Variants in PFN2 observed in about 807,000 individuals in gnomAD.
PFN2 encodes the protein profilin-2.
In PFN2, 8 loss-of-function variants were observed where a neutral mutation model predicts 15.3. The ratio of observed to expected loss-of-function variants is 0.52; its 90% confidence interval spans 0.31 to 0.95. The LOEUF is 0.95. PFN2 is among the 40% of genes least tolerant of loss of function. The pLI, the probability that PFN2 is intolerant of heterozygous loss-of-function variation, is 0.05. For missense variants in PFN2, 111 were observed against 182.3 expected (o/e 0.61, Z 2.25); for synonymous variants, 79 against 67.9 (o/e 1.16, Z -0.81).
intron 1 of PFN2, 182 bp from the exon 2 acceptor site, chr3:149,968,732 T>C: frequency 1.8e-6 from 1 of 565,708 alleles, no homozygotes; most frequent in Non-Finnish European, 3.1e-6. Context: ...TAATCCTATA[T>C]AATCACATAT....
At chr3:149,970,524 C>A in intron 1 of PFN2, 1 of 400,938 alleles carries the variant, frequency 2.5e-6, no homozygotes. Flanking sequence ...CCGCCCCCAG[C>A]CTGTCAGCGC....
rs1722694820 is a variant in PFN2, at chr3:149,966,469, C to T, written c.*20G>A. On this transcript the variant is annotated 3_prime_UTR_variant, in exon 3 of 3. Transcript: ENST00000239940. Reference sequence around the variant, plus strand: ...GTTTAAGAGCAATTTTCCCCTAATACTTAACAGTCTGCCTAGCAGCTAGAA... The same window carrying T: ...GTTTAAGAGCAATTTTCCCCTAATATTTAACAGTCTGCCTAGCAGCTAGAA... 6.2e-7 allele frequency: 1 copy of T among 1,609,030 alleles called. No individual in the cohort carries two copies. Among genetic ancestry groups the T allele is most frequent in the African/African-American group, 1.3e-5 (1 of 74,532 alleles).
In PFN2 at chr3:149,966,605, A is replaced by G. The variant is rs370207101; in HGVS notation, c.326-19T>C. 6.4e-6 allele frequency: 10 copies of G among 1,567,994 alleles called. No individual in the cohort carries two copies. In the African/African-American group the frequency reaches 9.5e-5, roughly 15 times the overall value. ...ACCAAGACTGAAAGAGAAAGAAGAA[A>G]AGTGTTTCAAAAGAAGTGTTAATCA... On this transcript the variant is annotated intron_variant, in intron 2 of 2. Transcript: ENST00000239940.
rs1181282079 is a variant in PFN2 at position 149,965,580 on chromosome 3, C to CT, written c.*908_*909insA. On this transcript the variant is annotated 3_prime_UTR_variant, in exon 3 of 3. Transcript: ENST00000239940. Reference sequence around the variant, plus strand: ...AAGGTTTGTCTCTGCTCAAGTGCAACAACAATACTAAAAGCAAACTACTGC... The same window carrying CT: ...AAGGTTTGTCTCTGCTCAAGTGCAACTAACAATACTAAAAGCAAACTACTGC... 35 of 1,220,062 alleles carry CT rather than the reference C, an allele frequency of 2.9e-5. No homozygotes were observed. Among genetic ancestry groups the CT allele is most frequent in the Non-Finnish European group, 3.6e-5 (35 of 979,320 alleles). The allele number at this position is 1,220,062 out of a possible 1,614,324, so 75.6% of individuals were successfully genotyped here.
chr3:149,969,871 A>C (rs530973661), intron 1 of PFN2, among the ~76,000 whole-genome samples: 50 of 152,288 alleles, frequency 3.3e-4, no homozygotes, highest in Non-Finnish European at 6.0e-4. Context: ...CTTTACTGCC[A>C]CCACTAAAGA....
rs765562021 is a variant in PFN2, at chr3:149,965,082, A to G, written c.*1407T>C. 3.1e-6 allele frequency: 2 copies of G among 635,480 alleles called. No homozygotes were observed. The highest frequency in any genetic ancestry group is 2.9e-5 in the East Asian group (1 of 34,858). The allele number at this position is 635,480 out of a possible 1,614,324, so 39.4% of individuals were successfully genotyped here. Reference sequence around the variant, plus strand: ...GTTTTTAAATCTGTACATTATCCACAAGGCCCAAACAATAGAAGCAAATAC... The same window carrying G: ...GTTTTTAAATCTGTACATTATCCACGAGGCCCAAACAATAGAAGCAAATAC... On this transcript the variant is annotated 3_prime_UTR_variant, in exon 3 of 3. Transcript: ENST00000239940.
chr3:149,970,049 T>TAA (rs79065931), intron 1 of PFN2, among the ~76,000 whole-genome samples: 121 of 136,102 alleles, frequency 8.9e-4, no homozygotes, highest in African/African-American at 3.0e-3. Flanking sequence ...TTGGAGAATT[T>TAA]AAAAAAAAAA....
rs1722694513 is a variant in PFN2 at position 149,966,459 on chromosome 3, T to C, written c.*30A>G. 3 of 1,602,952 alleles carry C rather than the reference T, an allele frequency of 1.9e-6. No individual in the cohort carries two copies. The highest frequency in any genetic ancestry group is 1.1e-5 in the South Asian group (1 of 88,426). On this transcript the variant is annotated 3_prime_UTR_variant, in exon 3 of 3. Coordinates refer to ENST00000239940, the MANE Select transcript of PFN2 (RefSeq NM_053024.4). ...AGCTAGGAAAGTTTAAGAGCAATTT[T>C]CCCCTAATACTTAACAGTCTGCCTA... is the stretch of plus-strand genomic sequence containing the variant.
In PFN2 at chr3:149,965,025, G is replaced by A; in HGVS notation, c.*1464C>T. On this transcript the variant is annotated 3_prime_UTR_variant, in exon 3 of 3. Coordinates refer to ENST00000239940, the MANE Select transcript of PFN2 (RefSeq NM_053024.4). ...GTATCCCAGATGTAACAAAGTGCAG[G>A]GAAAGAAATGGACAAATCAGCAACA... 1 of 522,584 alleles carries A rather than the reference G, an allele frequency of 1.9e-6. No homozygotes were observed. Among genetic ancestry groups the A allele is most frequent in the Non-Finnish European group, 3.3e-6 (1 of 299,988 alleles). 32.4% of individuals were successfully genotyped at this position (522,584 alleles called of 1,614,324 possible).
At chr3:149,966,958 GTTAC>G (rs10550200) in intron 2 of PFN2, among the ~76,000 whole-genome samples, 27,347 of 151,866 alleles carry the variant, frequency 0.18, 2,601 homozygotes, top group African/African-American at 0.27. Flanking sequence ...AACCTGGGGA[GTTAC>G]TTACTTACAA....
In PFN2 at chr3:149,965,354, T is replaced by C. The variant is rs1255586185; in HGVS notation, c.*1135A>G. On this transcript the variant is annotated 3_prime_UTR_variant, in exon 3 of 3. Transcript: ENST00000239940. ...GATGGTTATGTTGGGATACCTAATGTCCATAATGGCAGCCTTTTACAATTT... is the reference window on the plus strand; with the variant it reads ...GATGGTTATGTTGGGATACCTAATGCCCATAATGGCAGCCTTTTACAATTT... 1 of 1,499,304 alleles carries C rather than the reference T, an allele frequency of 6.7e-7. No individual in the cohort carries two copies. Among genetic ancestry groups the C allele is most frequent in the South Asian group, 1.3e-5 (1 of 77,262 alleles). The allele number at this position is 1,499,304 out of a possible 1,614,324, so 92.9% of individuals were successfully genotyped here. A position where few individuals can be genotyped will look rare whatever the true frequency, so the allele number is the denominator to read the frequency against.
intron 2 of PFN2, among the ~76,000 whole-genome samples, chr3:149,967,870 A>G (rs113024904): frequency 3.3e-5 from 5 of 152,284 alleles, no homozygotes; most frequent in African/African-American, 1.2e-4. Flanking sequence ...CAAAATCCTC[A>G]TCTAATTATC....
At chr3:149,970,115 G>A (rs1208493037) in intron 1 of PFN2, among the ~76,000 whole-genome samples, 2 of 151,748 alleles carry the variant, frequency 1.3e-5, no homozygotes, top group African/African-American at 4.8e-5. Context: ...CCACCTACGC[G>A]GTCGGCGTAC....
rs533071676 is a variant in PFN2, at chr3:149,965,016, A to G, written c.*1473T>C. ...AGTTAGACTGTATCCCAGATGTAAC[A>G]AAGTGCAGGGAAAGAAATGGACAAA... On this transcript the variant is annotated 3_prime_UTR_variant, in exon 3 of 3. Transcript: ENST00000239940. 6.2e-5 allele frequency: 32 copies of G among 519,506 alleles called. No homozygotes were observed. In the South Asian group the frequency reaches 1.0e-3, roughly 16 times the overall value. 32.2% of individuals were successfully genotyped at this position (519,506 alleles called of 1,614,324 possible). A position where few individuals can be genotyped will look rare whatever the true frequency, so the allele number is the denominator to read the frequency against.
At chr3:149,970,523 G>A (rs1253132724) in intron 1 of PFN2, 2 of 397,800 alleles carry the variant, frequency 5.0e-6, no homozygotes, top group African/African-American at 2.1e-5. Flanking sequence ...GCCGCCCCCA[G>A]CCTGTCAGCG....
rs1576617895 is a variant in PFN2 at position 149,965,816 on chromosome 3, G to A, written c.*673C>T. On this transcript the variant is annotated 3_prime_UTR_variant, in exon 3 of 3. Coordinates refer to ENST00000239940, the MANE Select transcript of PFN2 (RefSeq NM_053024.4). The stretch of plus-strand genomic sequence containing the variant: ...AATGAGCCAAGTAAATGCTCAAAGT[G>A]CTGAAAAGACACTGATCAGAGATTG... 5 of 1,087,206 alleles carry A rather than the reference G, an allele frequency of 4.6e-6. No individual in the cohort carries two copies. The South Asian group carries it at 1.4e-4, about 30-fold the overall frequency. 67.3% of individuals were successfully genotyped at this position (1,087,206 alleles called of 1,614,324 possible). A position where few individuals can be genotyped will look rare whatever the true frequency, so the allele number is the denominator to read the frequency against.
chr3:149,965,384 A>G lies in PFN2; in HGVS notation c.*1105T>C, dbSNP rs536847336. On this transcript the variant is annotated 3_prime_UTR_variant, in exon 3 of 3. Coordinates refer to ENST00000239940, the MANE Select transcript of PFN2 (RefSeq NM_053024.4). ...AATGGCAGCCTTTTACAATTTTACT[A>G]AAGAGTAGAGCTGGTGTGCAAAGAA... The G allele has an allele frequency of 1.2e-5, 18 of 1,479,264 alleles. No homozygotes were observed. Among genetic ancestry groups the G allele is most frequent in the Admixed American group, 5.3e-5 (2 of 38,020 alleles). The allele number at this position is 1,479,264 out of a possible 1,614,324, so 91.6% of individuals were successfully genotyped here.
chr3:149,970,712 C>T lies in PFN2; in HGVS notation c.132+13G>A. The stretch of plus-strand genomic sequence containing the variant: ...GTGCAGGGACCAGGGTACCGGCCGC[C>T]ACTGGTCCTCACCGTAATGCTCTGA... On this transcript the variant is annotated intron_variant, in intron 1 of 2. Transcript: ENST00000239940. 6.7e-7 allele frequency: 1 copy of T among 1,499,484 alleles called. No individual in the cohort carries two copies. Among genetic ancestry groups the T allele is most frequent in the Non-Finnish European group, 8.9e-7 (1 of 1,119,362 alleles). The allele number at this position is 1,499,484 out of a possible 1,614,324, so 92.9% of individuals were successfully genotyped here.
intron 1 of PFN2, 149 bp downstream of exon 1, chr3:149,970,575 GC>G: frequency 1.3e-6 from 1 of 745,088 alleles, no homozygotes; most frequent in Non-Finnish European, 1.8e-6. Context: ...CGGCCTCCCC[GC>G]CCGCCCGGCA....
Sources: gnomAD v4.1 joint callset for allele counts (sites outside exome capture counted in the v4.1 genomes callset) on GRCh38, gnomAD v4.1.1 for gene constraint, MANE v1.5 for transcripts, NCBI Gene and HGNC (gene_info 2026-07-23, HGNC 2026-07-21) for gene names.